The following ZNF607 variants were observed in gnomAD, a reference collection of about 807,000 sequenced individuals.
ZNF607 encodes the protein zinc finger protein 607.
In ZNF607, 5 loss-of-function variants were observed where a neutral mutation model predicts 12.8. That is an observed-to-expected ratio of 0.39 (90% CI 0.20 to 0.82). ZNF607 has a LOEUF of 0.82. ZNF607 is among the 40% of genes least tolerant of loss of function. ZNF607 has a pLI of 0.39. For synonymous variants in ZNF607, 287 were observed against 276.2 expected, an observed-to-expected ratio of 1.04 and a Z score of -0.39; for missense variants, 851 against 859.2, an observed-to-expected ratio of 0.99 and a Z score of 0.12.
At position 37,701,400 on chromosome 19, in the gene ZNF607, C is replaced by T. The variant is rs554927257; in HGVS notation, c.236-1505G>A. ...TAAATCATTCTGATCACCTGCTCCA[C>T]CCTAACTCATTCCAGTTACCTACTA... On this transcript the variant is annotated intron_variant, in intron 4 of 4. Coordinates refer to ENST00000355202, the MANE Select transcript of ZNF607 (RefSeq NM_032689.5). Among the ~76,000 whole-genome samples, 65 of 152,332 alleles carry T rather than the reference C, an allele frequency of 4.3e-4. 1 individual carries two copies. The highest frequency in any genetic ancestry group is 1.5e-3 in the African/African-American group (63 of 41,582).
chr19:37,711,295 C>G (rs547315624), intron 2 of ZNF607, among the ~76,000 whole-genome samples: 2 of 152,284 alleles, frequency 1.3e-5, no homozygotes, highest in Admixed American at 1.3e-4. Context: ...AATGACAAAA[C>G]CAACCTGAAA....
intron 1 of ZNF607, among the ~76,000 whole-genome samples, chr19:37,713,909 ATAT>A (rs2045152365): frequency 6.6e-6 from 1 of 152,222 alleles, no homozygotes; most frequent in African/African-American, 2.4e-5. Flanking sequence ...TAGGTTAAAC[ATAT>A]TATTCTCCGG....
At chr19:37,715,956 C>T (rs1224114570) in intron 1 of ZNF607, among the ~76,000 whole-genome samples, 1 of 152,182 alleles carries the variant, frequency 6.6e-6, no homozygotes, top group African/African-American at 2.4e-5. Flanking sequence ...ATGTCTTCAT[C>T]ATTTGTGCCC....
At chr19:37,712,885 C>T (rs887745667) in intron 1 of ZNF607, among the ~76,000 whole-genome samples, 14 of 152,084 alleles carry the variant, frequency 9.2e-5, no homozygotes, top group Admixed American at 2.6e-4. Context: ...ACTTCATCAC[C>T]GGTTCTCAGA....
At position 37,699,168 on chromosome 19, in the gene ZNF607, C is replaced by G. The variant is rs770481914; in HGVS notation, c.963G>C (p.Arg321Ser). The G allele has an allele frequency of 1.2e-5, 19 of 1,613,978 alleles. No homozygotes were observed. Among genetic ancestry groups the G allele is most frequent in the Middle Eastern group, 1.6e-4 (1 of 6,084 alleles). ...CKECGKGFTC[R>S]YQLTMHQRIY... ...TTCTCTGATGCATGGTAAGTTGATA[C>G]CTACATGTAAAGCCCTTCCCGCATT... Residue 321 changes from arginine (R) to serine (S), a missense_variant, in exon 5 of 5, where the codon AGG becomes AGC. Physicochemically the swap from Arg to Ser is moderately radical, Grantham distance 110. Coordinates refer to ENST00000355202, the MANE Select transcript of ZNF607 (RefSeq NM_032689.5).
chr19:37,705,785 A>G (rs2045077448), intron 4 of ZNF607, among the ~76,000 whole-genome samples: 1 of 151,958 alleles, frequency 6.6e-6, no homozygotes, highest in Admixed American at 6.6e-5. Context: ...TCTGAAAAAG[A>G]AAAAAAACTA....
chr19:37,698,237 GAT>G lies in ZNF607; in HGVS notation c.1892_1893del (p.Tyr631SerfsTer3). 1 of 1,614,164 alleles carries G rather than the reference GAT, an allele frequency of 6.2e-7. No homozygotes were observed. The highest frequency in any genetic ancestry group is 8.5e-7 in the Non-Finnish European group (1 of 1,180,038). On this transcript the variant is annotated frameshift_variant, in exon 5 of 5. Transcript: ENST00000355202. LOFTEE classifies it low-confidence loss of function (END_TRUNC). ...GCATGAACGCTTTCATGTCTAACAA[GAT>G]ATGAGGCACAGTGAAATGCCTTCCC... is the stretch of plus-strand genomic sequence containing the variant. ...RCGKAFHCAS[Y>X]LVRHESVHAD...
intron 3 of ZNF607, among the ~76,000 whole-genome samples, chr19:37,708,844 CAAAAAA>C (rs745832713): frequency 9.0e-6 from 1 of 111,422 alleles, no homozygotes. Context: ...GACTCTGTCT[CAAAAAA>C]AAAAAAAAAA....
chr19:37,700,699 C>G (rs2045031921), intron 4 of ZNF607, among the ~76,000 whole-genome samples: 1 of 151,820 alleles, frequency 6.6e-6, no homozygotes, highest in African/African-American at 2.4e-5. Context: ...AAGATCACTA[C>G]CCAACATTTA....
chr19:37,704,883 G>A (rs1240859114), intron 4 of ZNF607, among the ~76,000 whole-genome samples: 1 of 152,044 alleles, frequency 6.6e-6, no homozygotes, highest in Non-Finnish European at 1.5e-5. Flanking sequence ...CCCAGGAGGT[G>A]GAGCTTGCAG....
chr19:37,698,178 C>G lies in ZNF607; in HGVS notation c.1953G>C (p.Gly651=). The change falls in exon 5 of 5, where the codon GGG becomes GGC. Residue 651 remains glycine (G), a synonymous_variant. Transcript: ENST00000355202. Reference sequence around the variant, plus strand: ...GTTCATGGCTACTATTAAAAGCTTTCCCACACTCTTCACACATATAGGGAT... The same window carrying G: ...GTTCATGGCTACTATTAAAAGCTTTGCCACACTCTTCACACATATAGGGAT... ...DGNPYMCEEC[G]KAFNSSHELS... is the part of the protein sequence containing the mutation. 6.2e-7 allele frequency: 1 copy of G among 1,614,118 alleles called. No homozygotes were observed. Among genetic ancestry groups the G allele is most frequent in the Non-Finnish European group, 8.5e-7 (1 of 1,180,022 alleles).
intron 1 of ZNF607, among the ~76,000 whole-genome samples, chr19:37,715,153 AC>A (rs1334149511): frequency 6.6e-6 from 1 of 151,140 alleles, no homozygotes; most frequent in East Asian, 2.0e-4. Flanking sequence ...TGATCTGCCC[AC>A]CTCAGCCTCC....
Position 37,697,963 on chromosome 19 carries a change from A to C in ZNF607, c.*77T>G. On this transcript the variant is annotated 3_prime_UTR_variant, in exon 5 of 5. Coordinates refer to ENST00000355202, the MANE Select transcript of ZNF607 (RefSeq NM_032689.5). Reference sequence around the variant, plus strand: ...CTCAAAGCCATTCCACATTGTCTTCATTCAAATTGTTCAGTGGGATAAATC... The same window carrying C: ...CTCAAAGCCATTCCACATTGTCTTCCTTCAAATTGTTCAGTGGGATAAATC... 1 of 1,379,104 alleles carries C rather than the reference A, an allele frequency of 7.3e-7. No individual in the cohort carries two copies. Among genetic ancestry groups the C allele is most frequent in the Non-Finnish European group, 9.8e-7 (1 of 1,022,692 alleles). 85.4% of individuals were successfully genotyped at this position (1,379,104 alleles called of 1,614,324 possible).
At chr19:37,708,993 C>T (rs1190839551) in intron 3 of ZNF607, among the ~76,000 whole-genome samples, 1 of 152,060 alleles carries the variant, frequency 6.6e-6, no homozygotes, top group Non-Finnish European at 1.5e-5. Context: ...TATTAAATTA[C>T]TTGATATATG....
At chr19:37,715,646 C>A (rs2045170975) in intron 1 of ZNF607, among the ~76,000 whole-genome samples, 1 of 151,744 alleles carries the variant, frequency 6.6e-6, no homozygotes, top group South Asian at 2.1e-4. Context: ...GGAGAAAATG[C>A]CCCTTTCCTT....
rs1219488458 is a variant in ZNF607 at position 37,718,386 on chromosome 19, C to T, written c.-75+883G>A. Among the ~76,000 whole-genome samples the T allele has an allele frequency of 3.3e-5, 5 of 152,236 alleles. No homozygotes were observed. The South Asian group carries it at 1.0e-3, about 32-fold the overall frequency. On this transcript the variant is annotated intron_variant, in intron 1 of 4. Transcript: ENST00000355202. ...TGTTTCCCCCCTCCAAGGCTGCAGG[C>T]GCGTAATTTCATACACACGACCAGA...
At position 37,699,349 on chromosome 19, in the gene ZNF607, G is replaced by C. The variant is rs759474501; in HGVS notation, c.782C>G (p.Ser261Cys). ...TTTAAGGCCTGCTTTGAGCCTAAAG[G>C]ACTTCCCACATTTGTTACATTCAAA... Reference protein sequence around the residue: ...KPFECNKCGKSFRLKAGLKVH... With the variant: ...KPFECNKCGKCFRLKAGLKVH... The change falls in exon 5 of 5, where the codon TCC (serine) becomes TGC (cysteine). Residue 261 changes from serine (S) to cysteine (C), a missense_variant. Transcript: ENST00000355202. The C allele has an allele frequency of 3.7e-6, 6 of 1,613,858 alleles. No individual in the cohort carries two copies. Among genetic ancestry groups the C allele is most frequent in the Non-Finnish European group, 4.2e-6 (5 of 1,180,012 alleles).
rs1191414967 is a variant in ZNF607 at position 37,698,885 on chromosome 19, T to C, written c.1246A>G (p.Thr416Ala). The C allele has an allele frequency of 6.2e-7, 1 of 1,613,968 alleles. No homozygotes were observed. The highest frequency in any genetic ancestry group is 8.5e-7 in the Non-Finnish European group (1 of 1,179,972). ...TTACATTTGTAGGGTTTCTCACCGG[T>C]ATGAATATTTTGATGTATTTTAAGG... The part of the protein sequence containing the change: ...SSLKIHQNIH[T>A]GEKPYKCKEC... Residue 416 changes from threonine to alanine, a missense_variant, in exon 5 of 5, where the codon ACC (threonine) becomes GCC (alanine). Transcript: ENST00000355202.
chr19:37,718,576 A>C (rs529795892), intron 1 of ZNF607, among the ~76,000 whole-genome samples: 1 of 152,226 alleles, frequency 6.6e-6, no homozygotes, highest in Non-Finnish European at 1.5e-5. Context: ...GAAACTGACA[A>C]ACCCTGCCAG....
Sources: gnomAD v4.1 joint callset for allele counts (sites outside exome capture counted in the v4.1 genomes callset) on GRCh38, gnomAD v4.1.1 for gene constraint, MANE v1.5 for transcripts, NCBI Gene and HGNC (gene_info 2026-07-23, HGNC 2026-07-21) for gene names.